NFASC: variants seen among roughly 807,000 people sequenced by gnomAD.
NFASC encodes neurofascin homolog.
Under a neutral mutation model 147.5 loss-of-function variants are expected in NFASC, and 43 were observed. The observed-to-expected ratio is 0.29, with a 90% confidence interval of 0.23 to 0.38. The LOEUF (loss-of-function observed/expected upper bound fraction) is 0.38, where lower values mean the gene tolerates loss of function less well. Ranked by LOEUF, NFASC falls within the 10% of genes least tolerant of loss-of-function variation. NFASC has a pLI of 1.00. For missense variants in NFASC, 1,320 were observed against 1,689.0 expected, an observed-to-expected ratio of 0.78 and a Z score of 3.83; for synonymous variants, 622 against 665.5, an observed-to-expected ratio of 0.93 and a Z score of 1.01.
rs577326512 is a variant in NFASC, at chr1:204,908,787, C to T, written c.-199-11845C>T. On this transcript the variant is annotated intron_variant, in intron 1 of 29. Transcript: ENST00000339876. ...TTCTCCTATATAAATATATCATTTACATCATATATATCATTTCCACTATAA... is the reference window on the plus strand; with the variant it reads ...TTCTCCTATATAAATATATCATTTATATCATATATATCATTTCCACTATAA... Among the ~76,000 whole-genome samples the T allele has an allele frequency of 6.0e-4, 91 of 152,236 alleles. 1 individual carries two copies. The highest frequency in any genetic ancestry group is 2.0e-3 in the African/African-American group (84 of 41,548).
intron 3 of NFASC, among the ~76,000 whole-genome samples, chr1:204,948,135 G>T (rs905190146): frequency 6.6e-6 from 1 of 152,236 alleles, no homozygotes; most frequent in African/African-American, 2.4e-5. Context: ...CACGAGTAAA[G>T]AAACCTCGCA....
chr1:204,923,518 T>A (rs74992847), intron 2 of NFASC, among the ~76,000 whole-genome samples: 1,915 of 152,180 alleles, frequency 0.013, 56 homozygotes, highest in African/African-American at 0.044. Context: ...AGGATCTATT[T>A]GATTAATTGC....
intron 29 of NFASC, among the ~76,000 whole-genome samples, chr1:205,013,565 TA>T (rs1348140243): frequency 2.6e-5 from 4 of 152,176 alleles, no homozygotes; most frequent in African/African-American, 9.7e-5. Context: ...CTGGTGCTGC[TA>T]TTCTATACTT....
chr1:204,960,995 T>C (rs752453707), intron 8 of NFASC, among the ~76,000 whole-genome samples: 18 of 152,170 alleles, frequency 1.2e-4, no homozygotes, highest in Non-Finnish European at 2.4e-4. Context: ...AATATGCAAA[T>C]GTTTTGGCAG....
chr1:205,002,724 G>A lies in NFASC; in HGVS notation c.3265G>A (p.Val1089Ile), dbSNP rs745593943. The A allele has an allele frequency of 1.4e-5, 22 of 1,556,526 alleles. No individual in the cohort carries two copies. The highest frequency in any genetic ancestry group is 1.5e-5 in the Non-Finnish European group (17 of 1,139,674). The stretch of plus-strand genomic sequence containing the variant: ...GGACAACGAGGGCATCAGCAGTACC[G>A]TCATCACCTTTATGACCAGTACAGG... ...SRDNEGISST[V>I]ITFMTSTAYT... Residue 1089 changes from valine (V) to isoleucine (I), a missense_variant, in exon 27 of 30, where the codon GTC (valine) becomes ATC (isoleucine). Val to Ile is a conservative substitution (Grantham distance 29, BLOSUM62 3). This residue lies in a region of NFASC where 167 missense variants were observed against 233.8 expected (regional missense o/e 0.71). Transcript: ENST00000339876.
Position 204,979,689 on chromosome 1 carries a change from G to T in NFASC, c.2176+130G>T, listed in dbSNP as rs1438502717. On this transcript the variant is annotated intron_variant, in intron 19 of 29. Transcript: ENST00000339876. The surrounding 1 kb of genome is among the most constrained non-coding windows in gnomAD (Gnocchi z 6.0). ...TCCAAGGCCCGGCCTCATCTGTGAG[G>T]CAGAGAGTAATAATAACACCTACAT... 3.7e-6 allele frequency: 3 copies of T among 803,940 alleles called. No individual in the cohort carries two copies. The highest frequency in any genetic ancestry group is 6.4e-6 in the Non-Finnish European group (3 of 467,652). The allele number at this position is 803,940 out of a possible 1,614,324, so 49.8% of individuals were successfully genotyped here.
At chr1:204,877,363 CA>C (rs1275265752) in intron 1 of NFASC, among the ~76,000 whole-genome samples, 1 of 151,966 alleles carries the variant, frequency 6.6e-6, no homozygotes, top group African/African-American at 2.4e-5. Flanking sequence ...CGGCCAGAAC[CA>C]GTGCATGGTC....
intron 24 of NFASC, chr1:204,993,835 C>A: frequency 2.0e-6 from 1 of 511,558 alleles, no homozygotes; most frequent in East Asian, 5.5e-5. Context: ...GCTCTTCTAT[C>A]CTCTCCTCCA....
chr1:204,849,663 C>G (rs1394020555), intron 1 of NFASC, among the ~76,000 whole-genome samples: 1 of 152,198 alleles, frequency 6.6e-6, no homozygotes, highest in Non-Finnish European at 1.5e-5. Flanking sequence ...GAGCTAGAAC[C>G]AAACCCAGGT....
chr1:204,921,886 C>A (rs553346950), intron 2 of NFASC, among the ~76,000 whole-genome samples: 2 of 152,056 alleles, frequency 1.3e-5, no homozygotes, highest in African/African-American at 4.8e-5. Context: ...CCTTTAGGGC[C>A]ACCACTTATC....
In NFASC at chr1:204,840,120, G is replaced by T. The variant is rs1191865415; in HGVS notation, c.-200+11338G>T. ...CACCTGGGATCTTGTTAAAATGCAG[G>T]TTCAGAATCAGCAGGTCTGGACTGG... On this transcript the variant is annotated intron_variant, in intron 1 of 29. Coordinates refer to ENST00000339876, the MANE Select transcript of NFASC (RefSeq NM_001005388.3). 1.3e-5 allele frequency among the ~76,000 whole-genome samples: 2 copies of T among 152,144 alleles called. 1 individual carries two copies. Among genetic ancestry groups the T allele is most frequent in the Admixed American group, 1.3e-4 (2 of 15,276 alleles).
intron 1 of NFASC, among the ~76,000 whole-genome samples, chr1:204,830,832 ACT>A (rs1255124764): frequency 6.6e-6 from 1 of 152,090 alleles, no homozygotes; most frequent in African/African-American, 2.4e-5. Context: ...TTGCAGACAG[ACT>A]CTGTCCCTTC....
intron 2 of NFASC, among the ~76,000 whole-genome samples, chr1:204,936,932 C>G (rs532110866): frequency 1.3e-5 from 2 of 152,254 alleles, no homozygotes; most frequent in Non-Finnish European, 2.9e-5. Flanking sequence ...GCCATGCTGG[C>G]TTCTCTCAGT....
chr1:204,986,261 C>T lies in NFASC; in HGVS notation c.2471-1157C>T, dbSNP rs553919467. The T allele has an allele frequency of 1.9e-3, 1,220 of 639,220 alleles. 5 individuals carry two copies. Among genetic ancestry groups the T allele is most frequent in the Non-Finnish European group, 2.7e-3 (971 of 355,820 alleles). The allele number at this position is 639,220 out of a possible 1,614,324, so 39.6% of individuals were successfully genotyped here. ...GGAGCGGATGACCTGCAAGCCGAGC[C>T]ACTACAGCCATTCCCAGACCACCAT... On this transcript the variant is annotated intron_variant, in intron 21 of 29. Coordinates refer to ENST00000339876, the MANE Select transcript of NFASC (RefSeq NM_001005388.3). The surrounding 1 kb of genome is among the most constrained non-coding windows in gnomAD (Gnocchi z 4.2).
In NFASC at chr1:204,926,406, A is replaced by ATTTTT. The variant is rs1202294421; in HGVS notation, c.-91+5689_-91+5693dup. Reference sequence around the variant, plus strand: ...TATATATATATATATATATATATATATTTTTTTTTTTTTTTTTTTTTTTTT... The same window carrying ATTTTT: ...TATATATATATATATATATATATATATTTTTTTTTTTTTTTTTTTTTTTTTTTTTT... On this transcript the variant is annotated intron_variant, in intron 2 of 29. Transcript: ENST00000339876. 5.1e-3 allele frequency among the ~76,000 whole-genome samples: 72 copies of ATTTTT among 14,024 alleles called. 4 individuals carry two copies. Among genetic ancestry groups the ATTTTT allele is most frequent in the Non-Finnish European group, 9.2e-3 (55 of 5,978 alleles). 9.2% of individuals were successfully genotyped at this position (14,024 alleles called of 152,430 possible).
intron 1 of NFASC, among the ~76,000 whole-genome samples, chr1:204,887,635 G>T (rs2081572730): frequency 9.7e-6 from 1 of 102,792 alleles, no homozygotes; most frequent in African/African-American, 3.8e-5. Context: ...GTCTTACTCT[G>T]TTGCTGTCAC....
chr1:204,951,280 C>T (rs1447327774), intron 4 of NFASC, among the ~76,000 whole-genome samples: 2 of 149,292 alleles, frequency 1.3e-5, no homozygotes, highest in Non-Finnish European at 3.0e-5. Context: ...TCCCGAGTAG[C>T]TGGGGTTATA....
chr1:204,904,667 C>T (rs563169511), intron 1 of NFASC, among the ~76,000 whole-genome samples: 5 of 152,282 alleles, frequency 3.3e-5, no homozygotes, highest in African/African-American at 1.2e-4. Flanking sequence ...CAATGGAATC[C>T]AATTAGAGAT....
intron 1 of NFASC, among the ~76,000 whole-genome samples, chr1:204,861,007 C>T (rs1250297071): frequency 6.9e-6 from 1 of 145,268 alleles, no homozygotes; most frequent in Non-Finnish European, 1.5e-5. Context: ...TTTTTTCTAC[C>T]TTTGAGCTAT....
Sources: gnomAD v4.1 joint callset for allele counts (sites outside exome capture counted in the v4.1 genomes callset) on GRCh38, gnomAD v4.1.1 for gene constraint, gnomAD v4.1.1 regional missense constraint, Gnocchi (gnomAD v3.1) non-coding constraint, MANE v1.5 for transcripts, NCBI Gene and HGNC (gene_info 2026-07-23, HGNC 2026-07-21) for gene names.